Variants in ASH1L observed in about 807,000 individuals in gnomAD.
ASH1L encodes ASH1 like histone lysine methyltransferase, also known as histone-lysine N-methyltransferase ASH1L.
ASH1L carries 23 observed loss-of-function variants against 269.0 expected under a neutral mutation model. The observed-to-expected ratio is 0.09, with a 90% CI of 0.06 to 0.12. The LOEUF is 0.12. Among genes scored for constraint, ASH1L ranks in the 10% least tolerant of loss-of-function variants. ASH1L has a pLI of 1.00. For missense variants in ASH1L, 2,912 were observed against 3,567.8 expected (o/e 0.82, Z 4.68); for synonymous variants, 1,187 against 1,253.5 (o/e 0.95, Z 1.12).
chr1:155,511,258 G>C (rs4971084), intron 2 of ASH1L, among the ~76,000 whole-genome samples: 5 of 152,152 alleles, frequency 3.3e-5, no homozygotes, highest in African/African-American at 1.2e-4. Context: ...AGAAACATTA[G>C]AACAGTAATC....
intron 10 of ASH1L, among the ~76,000 whole-genome samples, chr1:155,373,475 A>G (rs1656163356): frequency 1.3e-5 from 2 of 151,914 alleles, no homozygotes; most frequent in African/African-American, 2.4e-5. Flanking sequence ...AATTATTTGT[A>G]GAGGTGAGGT....
At chr1:155,469,244 G>A (rs1424506692) in intron 3 of ASH1L, among the ~76,000 whole-genome samples, 6 of 151,264 alleles carry the variant, frequency 4.0e-5, no homozygotes, top group Admixed American at 1.3e-4. Flanking sequence ...GTGCAATGGC[G>A]TGATCTCAGC....
intron 1 of ASH1L, among the ~76,000 whole-genome samples, chr1:155,539,436 T>A (rs72995174): frequency 2.1e-3 from 240 of 112,738 alleles, no homozygotes; most frequent in African/African-American, 6.1e-3. Context: ...GAAAGGTGTT[T>A]TATTTTATAT....
intron 3 of ASH1L, among the ~76,000 whole-genome samples, chr1:155,464,735 A>G (rs1664550228): frequency 6.6e-6 from 1 of 152,210 alleles, no homozygotes; most frequent in South Asian, 2.1e-4. Context: ...GAACCTTGGA[A>G]GTGATTTTAA....
intron 5 of ASH1L, among the ~76,000 whole-genome samples, chr1:155,432,073 A>G (rs1661653039): frequency 6.6e-6 from 1 of 152,218 alleles, no homozygotes. Context: ...ATCAACAAAT[A>G]GTGACCAAAA....
At chr1:155,349,991 G>A (rs2148345367) in intron 17 of ASH1L, among the ~76,000 whole-genome samples, 1 of 150,514 alleles carries the variant, frequency 6.6e-6, no homozygotes, top group Admixed American at 6.7e-5. Context: ...CCGGGTTCAT[G>A]CCATTCTCCT....
chr1:155,410,047 C>T (rs1659640888), intron 6 of ASH1L, among the ~76,000 whole-genome samples: 1 of 151,758 alleles, frequency 6.6e-6, no homozygotes, highest in Admixed American at 6.6e-5. Flanking sequence ...CACCTGTAAT[C>T]TCAGCTACTC....
intron 12 of ASH1L, among the ~76,000 whole-genome samples, chr1:155,367,634 T>C (rs1006185038): frequency 2.0e-5 from 3 of 152,196 alleles, no homozygotes; most frequent in Admixed American, 6.5e-5. Context: ...TTTTTATTCC[T>C]AGTTTGCTGA....
chr1:155,409,471 T>C (rs1659579039), intron 6 of ASH1L, among the ~76,000 whole-genome samples: 2 of 151,992 alleles, frequency 1.3e-5, no homozygotes, highest in Admixed American at 1.3e-4. Context: ...TGGGAAAAAA[T>C]GTAGTATCTT....
chr1:155,530,725 G>A (rs1436900781), intron 1 of ASH1L, among the ~76,000 whole-genome samples: 1 of 149,110 alleles, frequency 6.7e-6, no homozygotes, highest in Non-Finnish European at 1.5e-5. Context: ...GACAGACCAA[G>A]ACTCTGTCTC....
intron 1 of ASH1L, among the ~76,000 whole-genome samples, chr1:155,534,736 G>T (rs1178606243): frequency 6.6e-6 from 1 of 152,094 alleles, no homozygotes; most frequent in Non-Finnish European, 1.5e-5. Context: ...ACAGAGGGAG[G>T]CAGTGTAACA....
Position 155,470,051 on chromosome 1 carries a change from T to C in ASH1L, c.4984+7835A>G, listed in dbSNP as rs149101800. 1.7e-4 allele frequency among the ~76,000 whole-genome samples: 26 copies of C among 152,280 alleles called. 1 individual carries two copies. The highest frequency in any genetic ancestry group is 5.8e-4 in the African/African-American group (24 of 41,548). On this transcript the variant is annotated intron_variant, in intron 3 of 27. Coordinates refer to ENST00000392403, the MANE Select transcript of ASH1L (RefSeq NM_018489.3). ...GCTGATATCTAGTGTAAGAAACACG[T>C]GTCACACATTATTCTTCGCTGCTAA...
intron 1 of ASH1L, among the ~76,000 whole-genome samples, chr1:155,539,131 C>T (rs72995173): frequency 0.058 from 8,890 of 152,076 alleles, 879 homozygotes; most frequent in African/African-American, 0.21. Flanking sequence ...CTTTTGGTAT[C>T]TTTTTAATTT....
intron 1 of ASH1L, among the ~76,000 whole-genome samples, chr1:155,524,938 A>G (rs1028423154): frequency 6.6e-6 from 1 of 152,160 alleles, no homozygotes; most frequent in Non-Finnish European, 1.5e-5. Flanking sequence ...TTTTAAAAAT[A>G]AATAATAATT....
intron 5 of ASH1L, among the ~76,000 whole-genome samples, chr1:155,437,913 G>A (rs1272904571): frequency 3.9e-5 from 6 of 152,124 alleles, no homozygotes; most frequent in Non-Finnish European, 5.9e-5. Context: ...GGAGTGCAGC[G>A]GTGCAATCTT....
chr1:155,452,001 G>A (rs1412434652), intron 4 of ASH1L, among the ~76,000 whole-genome samples: 8 of 151,760 alleles, frequency 5.3e-5, no homozygotes, highest in African/African-American at 2.4e-5. Flanking sequence ...GATTACAGAC[G>A]TGAGCCATTG....
chr1:155,468,870 A>AT (rs1175680244), intron 3 of ASH1L, among the ~76,000 whole-genome samples: 1 of 152,250 alleles, frequency 6.6e-6, no homozygotes, highest in African/African-American at 2.4e-5. Context: ...GACATCACAG[A>AT]TTGAGAAAAT....
At chr1:155,492,974 ACAC>A (rs960591461) in intron 2 of ASH1L, among the ~76,000 whole-genome samples, 2 of 151,920 alleles carry the variant, frequency 1.3e-5, no homozygotes, top group African/African-American at 4.8e-5. Context: ...CAGGAATGCA[ACAC>A]CATGCCTGGC....
intron 2 of ASH1L, among the ~76,000 whole-genome samples, chr1:155,489,834 A>ATAAATAAC (rs1553267683): frequency 2.7e-5 from 4 of 150,620 alleles, no homozygotes; most frequent in Admixed American, 6.6e-5. Flanking sequence ...AAATAAATAA[A>ATAAATAAC]TAACAATATG....
Sources: gnomAD v4.1 joint callset for allele counts (sites outside exome capture counted in the v4.1 genomes callset) on GRCh38, gnomAD v4.1.1 for gene constraint, MANE v1.5 for transcripts, NCBI Gene and HGNC (gene_info 2026-07-23, HGNC 2026-07-21) for gene names.